Variants in DGAT2 observed in about 807,000 individuals in gnomAD.
The protein encoded by DGAT2 is diacylglycerol O-acyltransferase 2, also known as acyl-CoA retinol O-fatty-acyltransferase.
DGAT2 carries 33 observed loss-of-function variants against 48.4 expected under a neutral mutation model. The observed-to-expected ratio is 0.68, with a 90% CI of 0.52 to 0.91. The LOEUF is 0.91. Ranked by LOEUF, DGAT2 falls within the 40% of genes least tolerant of loss-of-function variation. The pLI is 0.00. For synonymous variants in DGAT2, 191 were observed against 194.1 expected, an observed-to-expected ratio of 0.98 and a Z score of 0.13; for missense variants, 446 against 493.7, an observed-to-expected ratio of 0.90 and a Z score of 0.92.
intron 4 of DGAT2, 61 bp from the exon 5 acceptor site, chr11:75,796,267 C>T (rs143186435): frequency 2.4e-5 from 35 of 1,470,276 alleles, no homozygotes; most frequent in African/African-American, 5.5e-5. Flanking sequence ...CCCTACCCTC[C>T]GGGTATGCCC....
Position 75,790,185 on chromosome 11 carries a change from C to G in DGAT2, c.251-3C>G, listed in dbSNP as rs112873306. The G allele has an allele frequency of 6.8e-6, 11 of 1,611,836 alleles. No homozygotes were observed. The highest frequency in any genetic ancestry group is 3.4e-4 in the Middle Eastern group (2 of 5,850). On this transcript the variant is annotated splice_region_variant and splice_polypyrimidine_tract_variant and intron_variant, in intron 2 of 7. Coordinates refer to ENST00000228027, the MANE Select transcript of DGAT2 (RefSeq NM_032564.5). ...ACCTGACCTGTGGCCATCTGCCCCC[C>G]AGGAGTGGCCTGCAGTGCCATCCTC...
At chr11:75,783,386 T>G (rs989132545) in intron 1 of DGAT2, among the ~76,000 whole-genome samples, 3 of 152,244 alleles carry the variant, frequency 2.0e-5, no homozygotes, top group African/African-American at 7.2e-5. Flanking sequence ...AGGGTAGATA[T>G]CTTTCTAAAC....
intron 1 of DGAT2, among the ~76,000 whole-genome samples, chr11:75,772,495 A>G (rs1944768339): frequency 6.6e-6 from 1 of 152,132 alleles, no homozygotes; most frequent in Non-Finnish European, 1.5e-5. Context: ...CTGTCTGCCC[A>G]GGTCTTCGCA....
chr11:75,800,497 G>C lies in DGAT2; in HGVS notation c.1156G>C (p.Glu386Gln), dbSNP rs1324920812. The C allele has an allele frequency of 6.2e-7, 1 of 1,614,076 alleles. No homozygotes were observed. Among genetic ancestry groups the C allele is most frequent in the South Asian group, 1.1e-5 (1 of 91,058 alleles). ...KFGLPETEVL[E>Q]VN ...CGGCCTCCCGGAGACTGAGGTCCTG[G>C]AGGTGAACTGAGCCAGCCTTCGGGG... The change falls in exon 8 of 8, where the codon GAG (glutamate) becomes CAG (glutamine). Residue 386 changes from glutamate (E) to glutamine (Q), a missense_variant. Physicochemically the swap from Glu to Gln is conservative, Grantham distance 29. Coordinates refer to ENST00000228027, the MANE Select transcript of DGAT2 (RefSeq NM_032564.5).
At position 75,800,440 on chromosome 11, in the gene DGAT2, G is replaced by C. The variant is rs756684772; in HGVS notation, c.1099G>C (p.Val367Leu). Residue 367 changes from valine to leucine, a missense_variant, in exon 8 of 8, where the codon GTG (valine) becomes CTG (leucine). Transcript: ENST00000228027. ...LYHTMYMEAL[V>L]KLFDKHKTKF... The stretch of plus-strand genomic sequence containing the variant: ...CCACACCATGTACATGGAGGCCCTG[G>C]TGAAGCTCTTCGACAAGCACAAGAC... 1.2e-6 allele frequency: 2 copies of C among 1,614,200 alleles called. No individual in the cohort carries two copies. Among genetic ancestry groups the C allele is most frequent in the Non-Finnish European group, 1.7e-6 (2 of 1,180,036 alleles).
intron 1 of DGAT2, among the ~76,000 whole-genome samples, chr11:75,772,296 G>A (rs1944766571): frequency 1.3e-5 from 2 of 152,136 alleles, no homozygotes; most frequent in Non-Finnish European, 2.9e-5. Flanking sequence ...CCCACACTCA[G>A]TCACACTTCA....
At position 75,768,784 on chromosome 11, in the gene DGAT2, G is replaced by C. The variant is rs150209566; in HGVS notation, c.-208G>C. 2.4e-5 allele frequency: 12 copies of C among 504,826 alleles called. No homozygotes were observed. The highest frequency in any genetic ancestry group is 3.4e-5 in the Non-Finnish European group (11 of 319,588). 31.3% of individuals were successfully genotyped at this position (504,826 alleles called of 1,614,324 possible). A position where few individuals can be genotyped will look rare whatever the true frequency, so the allele number is the denominator to read the frequency against. On this transcript the variant is annotated 5_prime_UTR_variant, in exon 1 of 8. Transcript: ENST00000228027. ...TGCGCTCCGGGACGCCAGCGCCGCG[G>C]CTGCCGCCTCTGCTGGGGTCTAGGC...
rs759405306 is a variant in DGAT2, at chr11:75,797,339, G to A, written c.809+7G>A. On this transcript the variant is annotated splice_region_variant and intron_variant, in intron 6 of 7. Coordinates refer to ENST00000228027, the MANE Select transcript of DGAT2 (RefSeq NM_032564.5). ...AACTGGCCCTGCGTCATGGGTGAGTGCCTCCCTACACACACACACACCCCT... is the reference window on the plus strand; with the variant it reads ...AACTGGCCCTGCGTCATGGGTGAGTACCTCCCTACACACACACACACCCCT... The A allele has an allele frequency of 6.8e-7, 1 of 1,476,732 alleles. No individual in the cohort carries two copies. The highest frequency in any genetic ancestry group is 1.4e-5 in the South Asian group (1 of 70,916). 91.5% of individuals were successfully genotyped at this position (1,476,732 alleles called of 1,614,324 possible).
intron 1 of DGAT2, among the ~76,000 whole-genome samples, chr11:75,778,269 C>T (rs1590865488): frequency 6.6e-6 from 1 of 152,166 alleles, no homozygotes. Context: ...CAGCAGTTTC[C>T]CCCAACCACA....
At chr11:75,777,116 T>A (rs553565050) in intron 1 of DGAT2, among the ~76,000 whole-genome samples, 1 of 152,060 alleles carries the variant, frequency 6.6e-6, no homozygotes, top group East Asian at 1.9e-4. Flanking sequence ...ATCCTTGGGG[T>A]TGGGGATGTG....
In DGAT2 at chr11:75,798,388, C is replaced by G. The variant is rs745920826; in HGVS notation, c.971C>G (p.Thr324Ser). The G allele has an allele frequency of 1.9e-5, 30 of 1,613,870 alleles. 1 individual carries two copies. The highest frequency in any genetic ancestry group is 3.4e-4 in the Middle Eastern group (2 of 5,848). ...FHGRGLFSSDTWGLVPYSKPI... is the reference protein window; with the variant it reads ...FHGRGLFSSDSWGLVPYSKPI... ...GGTCGAGGCCTCTTCTCCTCCGACA[C>G]CTGGGGGCTGGTGCCCTACTCCAAG... The change falls in exon 7 of 8, where the codon ACC becomes AGC. Residue 324 changes from threonine (T) to serine (S), a missense_variant. Thr to Ser is a moderately conservative substitution (Grantham distance 58). Coordinates refer to ENST00000228027, the MANE Select transcript of DGAT2 (RefSeq NM_032564.5).
chr11:75,772,856 GGT>G (rs1250375683), intron 1 of DGAT2, among the ~76,000 whole-genome samples: 3 of 152,256 alleles, frequency 2.0e-5, no homozygotes, highest in East Asian at 3.9e-4. Context: ...CAGGTGTGGT[GGT>G]GTGTGCCTGT....
At chr11:75,773,789 T>C (rs1944779508) in intron 1 of DGAT2, 1 of 152,192 alleles carries the variant, frequency 6.6e-6, no homozygotes, top group African/African-American at 2.4e-5. Flanking sequence ...CAGAGTGATC[T>C]GAGCAATGAC....
intron 2 of DGAT2, among the ~76,000 whole-genome samples, chr11:75,785,864 A>C (rs1321185066): frequency 1.3e-5 from 2 of 152,226 alleles, no homozygotes; most frequent in East Asian, 3.8e-4. Context: ...GCAAATTCAC[A>C]AAGGTTCATC....
chr11:75,769,239 C>G, intron 1 of DGAT2, 127 bp downstream of exon 1: 1 of 1,206,598 alleles, frequency 8.3e-7, no homozygotes, highest in East Asian at 2.9e-5. Flanking sequence ...ATTTTTACGA[C>G]CTCTGTTACA....
intron 7 of DGAT2, among the ~76,000 whole-genome samples, chr11:75,799,460 G>A (rs1945088992): frequency 6.6e-6 from 1 of 152,190 alleles, no homozygotes; most frequent in Non-Finnish European, 1.5e-5. Context: ...TGGAAGAGAT[G>A]TGCATGATTT....
At position 75,782,974 on chromosome 11, in the gene DGAT2, G is replaced by T. The variant is rs926285401; in HGVS notation, c.122-1644G>T. On this transcript the variant is annotated intron_variant, in intron 1 of 7. Coordinates refer to ENST00000228027, the MANE Select transcript of DGAT2 (RefSeq NM_032564.5). ...GGGCTCTCAGGCTCTAAGATGGGTT[G>T]CTGGGCAAGTCTGGAGGTGGGAAAG... Among the ~76,000 whole-genome samples, 4 of 152,240 alleles carry T rather than the reference G, an allele frequency of 2.6e-5. No individual in the cohort carries two copies. The East Asian group carries it at 5.8e-4, about 22-fold the overall frequency.
chr11:75,781,583 C>T (rs532605356), intron 1 of DGAT2, among the ~76,000 whole-genome samples: 1 of 152,370 alleles, frequency 6.6e-6, no homozygotes, highest in South Asian at 2.1e-4. Context: ...GTATTTGGGA[C>T]TTAGAGCTCA....
chr11:75,782,518 C>T (rs566643266), intron 1 of DGAT2, among the ~76,000 whole-genome samples: 2 of 152,340 alleles, frequency 1.3e-5, no homozygotes, highest in Admixed American at 6.5e-5. Context: ...TCCAGCATGG[C>T]TCAGGAGGCA....
Sources: gnomAD v4.1 joint callset for allele counts (sites outside exome capture counted in the v4.1 genomes callset) on GRCh38, gnomAD v4.1.1 for gene constraint, MANE v1.5 for transcripts, NCBI Gene and HGNC (gene_info 2026-07-23, HGNC 2026-07-21) for gene names.